ADAMTSL1: variants seen among roughly 807,000 people sequenced by gnomAD.
ADAMTSL1 encodes the protein ADAMTS-like protein 1.
A neutral mutation model predicts 201.8 loss-of-function variants in ADAMTSL1; 126 were observed. The observed-to-expected ratio is 0.62, with a 90% CI of 0.54 to 0.72. ADAMTSL1 has a LOEUF of 0.72. Among genes scored for constraint, ADAMTSL1 ranks in the 30% least tolerant of loss-of-function variants. The pLI is 0.00. For missense variants in ADAMTSL1, 2,679 were observed against 2,277.8 expected, an observed-to-expected ratio of 1.18 and a Z score of -3.59; for synonymous variants, 1,121 against 903.4, an observed-to-expected ratio of 1.24 and a Z score of -4.32.
At chr9:18,656,485 C>T (rs946569112) in intron 7 of ADAMTSL1, among the ~76,000 whole-genome samples, 1 of 151,812 alleles carries the variant, frequency 6.6e-6, no homozygotes, top group Non-Finnish European at 1.5e-5. Flanking sequence ...AAAAATTAGC[C>T]GGGCATGGTG....
chr9:18,325,335 C>G (rs1468558809), intron 2 of ADAMTSL1, among the ~76,000 whole-genome samples: 1 of 152,192 alleles, frequency 6.6e-6, no homozygotes, highest in East Asian at 1.9e-4. Context: ...GTTGGAATCA[C>G]CCCAAAAGTC....
rs773414079 is a variant in ADAMTSL1, at chr9:18,777,285, G to A, written c.3056G>A (p.Ser1019Asn). The A allele has an allele frequency of 9.5e-5, 153 of 1,608,068 alleles. No individual in the cohort carries two copies. Among genetic ancestry groups the A allele is most frequent in the Non-Finnish European group, 1.3e-4 (150 of 1,177,736 alleles). ...EKRGLAANPG[S>N]RYDDLVSRLL... is the part of the protein sequence containing the mutation. ...CGGGGCCTGGCCGCCAACCCGGGGA[G>A]CCGCTACGACGACCTCGTCTCCCGG... is the stretch of plus-strand genomic sequence containing the variant. Residue 1019 changes from serine to asparagine, a missense_variant, in exon 19 of 29, where the codon AGC (serine) becomes AAC (asparagine). Physicochemically the swap from Ser to Asn is conservative, Grantham distance 46. Transcript: ENST00000380548.
At chr9:18,387,054 G>C (rs1837824367) in intron 2 of ADAMTSL1, among the ~76,000 whole-genome samples, 1 of 151,950 alleles carries the variant, frequency 6.6e-6, no homozygotes, top group Admixed American at 6.6e-5. Context: ...ACGAAATATT[G>C]TTAGGTGAAT....
At chr9:17,942,547 A>G (rs1036257014) in intron 1 of ADAMTSL1, among the ~76,000 whole-genome samples, 1 of 152,126 alleles carries the variant, frequency 6.6e-6, no homozygotes, top group Non-Finnish European at 1.5e-5. Context: ...AAATGATTGG[A>G]TGATGCTCAC....
intron 2 of ADAMTSL1, among the ~76,000 whole-genome samples, chr9:18,294,168 A>G (rs1833380988): frequency 6.6e-6 from 1 of 152,290 alleles, no homozygotes; most frequent in South Asian, 2.1e-4. Flanking sequence ...TCACGCCAAA[A>G]ATCGTCTGAT....
chr9:18,488,632 T>C (rs1460192228), intron 1 of ADAMTSL1, among the ~76,000 whole-genome samples: 3 of 152,174 alleles, frequency 2.0e-5, no homozygotes, highest in Non-Finnish European at 4.4e-5. Context: ...AGGATCATTG[T>C]GAAGTTTAAT....
At chr9:18,431,652 A>C (rs1163691072) in intron 2 of ADAMTSL1, among the ~76,000 whole-genome samples, 1 of 152,102 alleles carries the variant, frequency 6.6e-6, no homozygotes, top group Non-Finnish European at 1.5e-5. Flanking sequence ...CATTTCCAGA[A>C]GTCTTCACCT....
At chr9:18,173,777 A>G (rs954414574) in intron 2 of ADAMTSL1, among the ~76,000 whole-genome samples, 1 of 152,184 alleles carries the variant, frequency 6.6e-6, no homozygotes, top group Non-Finnish European at 1.5e-5. Flanking sequence ...AGAAATACAT[A>G]AATAACACGT....
At chr9:18,144,148 G>A (rs1300349492) in intron 1 of ADAMTSL1, among the ~76,000 whole-genome samples, 1 of 152,012 alleles carries the variant, frequency 6.6e-6, no homozygotes, top group Non-Finnish European at 1.5e-5. Flanking sequence ...TTTCTATTAA[G>A]GCTATGGGAT....
intron 2 of ADAMTSL1, among the ~76,000 whole-genome samples, chr9:18,279,874 G>A (rs995846904): frequency 1.3e-5 from 2 of 152,148 alleles, no homozygotes; most frequent in Non-Finnish European, 2.9e-5. Context: ...GGATCCCGGG[G>A]CCACCAGGAC....
At chr9:18,298,939 G>C (rs1401298011) in intron 2 of ADAMTSL1, among the ~76,000 whole-genome samples, 1 of 151,516 alleles carries the variant, frequency 6.6e-6, no homozygotes, top group Non-Finnish European at 1.5e-5. Context: ...GTGAACCCGG[G>C]AGGCGGAGCT....
chr9:18,290,883 G>A (rs546053087), intron 2 of ADAMTSL1, among the ~76,000 whole-genome samples: 16 of 150,808 alleles, frequency 1.1e-4, no homozygotes, highest in Non-Finnish European at 2.4e-4. Flanking sequence ...CCAGGTTCAC[G>A]CCATTCTCCT....
At chr9:17,935,899 C>G (rs1563905975) in intron 1 of ADAMTSL1, among the ~76,000 whole-genome samples, 1 of 152,268 alleles carries the variant, frequency 6.6e-6, no homozygotes, top group Non-Finnish European at 1.5e-5. Context: ...TGCTTAACGC[C>G]CTCCAGTGCT....
chr9:18,550,382 T>C (rs1254634222), intron 3 of ADAMTSL1, among the ~76,000 whole-genome samples: 1 of 151,886 alleles, frequency 6.6e-6, no homozygotes, highest in Non-Finnish European at 1.5e-5. Context: ...GAAATGATTG[T>C]AGCAAAAGAA....
At chr9:18,369,626 T>A (rs1836950895) in intron 2 of ADAMTSL1, among the ~76,000 whole-genome samples, 1 of 152,182 alleles carries the variant, frequency 6.6e-6, no homozygotes, top group Non-Finnish European at 1.5e-5. Context: ...CCTACTACTG[T>A]GTATCTACTC....
chr9:18,365,234 T>A (rs1343372184), intron 2 of ADAMTSL1, among the ~76,000 whole-genome samples: 1 of 152,118 alleles, frequency 6.6e-6, no homozygotes, highest in Admixed American at 6.5e-5. Context: ...TTGAAGCCCA[T>A]ACAAATTAGT....
chr9:18,837,978 T>A (rs1217716727), intron 23 of ADAMTSL1, among the ~76,000 whole-genome samples: 1 of 152,136 alleles, frequency 6.6e-6, no homozygotes, highest in Non-Finnish European at 1.5e-5. Context: ...TAGGCCTCCA[T>A]GAGGTCAAAG....
intron 23 of ADAMTSL1, among the ~76,000 whole-genome samples, chr9:18,834,854 G>A (rs1240694655): frequency 6.6e-6 from 1 of 152,124 alleles, no homozygotes; most frequent in Admixed American, 6.6e-5. Context: ...ACTACAGTTT[G>A]TTTAATCAGT....
chr9:18,775,710 T>C, intron 17 of ADAMTSL1, 33 bp from the exon 18 acceptor site: 1 of 1,606,234 alleles, frequency 6.2e-7, no homozygotes, highest in South Asian at 1.1e-5. Context: ...GTTCCCAGAA[T>C]TTATGTGCAT....
Sources: gnomAD v4.1 joint callset for allele counts (sites outside exome capture counted in the v4.1 genomes callset) on GRCh38, gnomAD v4.1.1 for gene constraint, MANE v1.5 for transcripts, NCBI Gene and HGNC (gene_info 2026-07-23, HGNC 2026-07-21) for gene names.